Variants in ADGRB3 observed in about 807,000 individuals in gnomAD.
ADGRB3 encodes adhesion G protein-coupled receptor B3.
ADGRB3 carries 37 observed loss-of-function variants against 193.4 expected under a neutral mutation model. The ratio of observed to expected loss-of-function variants is 0.19; its 90% confidence interval spans 0.15 to 0.25. The LOEUF (loss-of-function observed/expected upper bound fraction) is 0.25, where lower values mean the gene tolerates loss of function less well. Ranked by LOEUF, ADGRB3 falls within the 10% of genes least tolerant of loss-of-function variation. The probability of loss-of-function intolerance (pLI) is 1.00; values close to 1 mark genes in which losing one functional copy is unlikely to be tolerated. For missense variants in ADGRB3, 1,637 were observed against 1,852.9 expected (o/e 0.88, Z 2.14); for synonymous variants, 690 against 644.2 (o/e 1.07, Z -1.08).
intron 3 of ADGRB3, among the ~76,000 whole-genome samples, chr6:68,905,327 T>C (rs1766512439): frequency 6.6e-6 from 1 of 152,170 alleles, no homozygotes; most frequent in African/African-American, 2.4e-5. Flanking sequence ...CCAGCTGACA[T>C]GAACTTCACA....
chr6:69,329,277 T>G (rs1469060021), intron 22 of ADGRB3, among the ~76,000 whole-genome samples: 1 of 152,160 alleles, frequency 6.6e-6, no homozygotes, highest in East Asian at 1.9e-4. Context: ...TCCAGGTATT[T>G]TATTTAAAAA....
intron 3 of ADGRB3, among the ~76,000 whole-genome samples, chr6:68,811,892 C>T (rs1767519439): frequency 6.6e-6 from 1 of 152,080 alleles, no homozygotes; most frequent in Non-Finnish European, 1.5e-5. Flanking sequence ...TATATACACA[C>T]AATTAATACA....
intron 3 of ADGRB3, among the ~76,000 whole-genome samples, chr6:68,786,818 C>G (rs1292034183): frequency 1.3e-5 from 2 of 151,738 alleles, no homozygotes; most frequent in African/African-American, 4.8e-5. Context: ...TTTGTATCCT[C>G]TTTTATTTCA....
chr6:69,216,503 A>T (rs1446033747), intron 17 of ADGRB3, among the ~76,000 whole-genome samples: 1 of 152,162 alleles, frequency 6.6e-6, no homozygotes, highest in African/African-American at 2.4e-5. Context: ...AGGCTGAACT[A>T]AACACTGAGC....
At chr6:69,199,483 T>G (rs1765374470) in intron 17 of ADGRB3, among the ~76,000 whole-genome samples, 1 of 152,120 alleles carries the variant, frequency 6.6e-6, no homozygotes, top group Admixed American at 6.6e-5. Context: ...ATGATCATTG[T>G]TCAAGAAACA....
rs1389458874 is a variant in ADGRB3, at chr6:69,342,464, A to C, written c.3459+2960A>C. Among the ~76,000 whole-genome samples the C allele has an allele frequency of 2.0e-5, 3 of 152,106 alleles. No individual in the cohort carries two copies. The East Asian group carries it at 5.8e-4, about 29-fold the overall frequency. On this transcript the variant is annotated intron_variant, in intron 26 of 31. Coordinates refer to ENST00000370598, the MANE Select transcript of ADGRB3 (RefSeq NM_001704.3). Reference sequence around the variant, plus strand: ...TCCTAGAGGAAGATTTCATTTAAACACCTTATTTAGAAGGATTTTACAGAT... The same window carrying C: ...TCCTAGAGGAAGATTTCATTTAAACCCCTTATTTAGAAGGATTTTACAGAT...
At chr6:69,192,401 T>C (rs911810115) in intron 17 of ADGRB3, among the ~76,000 whole-genome samples, 2 of 152,108 alleles carry the variant, frequency 1.3e-5, no homozygotes, top group Non-Finnish European at 2.9e-5. Flanking sequence ...TGGCAGCTGA[T>C]TAGATGTTGT....
intron 3 of ADGRB3, among the ~76,000 whole-genome samples, chr6:68,832,477 G>A (rs1409707538): frequency 1.3e-5 from 2 of 152,032 alleles, no homozygotes; most frequent in African/African-American, 2.4e-5. Flanking sequence ...TTTGCCTCTA[G>A]ACCCAAAGTC....
chr6:68,677,504 C>CT (rs1366619835), intron 3 of ADGRB3, among the ~76,000 whole-genome samples: 6 of 139,682 alleles, frequency 4.3e-5, no homozygotes, highest in South Asian at 2.3e-4. Context: ...GAATTTTTTT[C>CT]TTTTTTTTCT....
chr6:69,187,071 C>T (rs529131774), intron 17 of ADGRB3, among the ~76,000 whole-genome samples: 1 of 151,752 alleles, frequency 6.6e-6, no homozygotes, highest in South Asian at 2.1e-4. Context: ...CTGATTTCCC[C>T]TCTTTTTTTC....
At chr6:68,699,521 T>C (rs1027065061) in intron 3 of ADGRB3, among the ~76,000 whole-genome samples, 2 of 151,986 alleles carry the variant, frequency 1.3e-5, no homozygotes, top group Non-Finnish European at 2.9e-5. Context: ...TCTGTAATAG[T>C]TGTTGGTACT....
intron 17 of ADGRB3, among the ~76,000 whole-genome samples, chr6:69,125,647 T>G (rs932971402): frequency 6.6e-6 from 1 of 152,158 alleles, no homozygotes; most frequent in Admixed American, 6.5e-5. Context: ...TTATGTTGTT[T>G]ATAAGCCACT....
At chr6:69,066,822 A>G (rs571618181) in intron 16 of ADGRB3, among the ~76,000 whole-genome samples, 3 of 152,214 alleles carry the variant, frequency 2.0e-5, no homozygotes, top group African/African-American at 7.2e-5. Context: ...TTTAGATCCT[A>G]TAATGCATAA....
At chr6:68,789,740 CAG>C (rs1468665995) in intron 3 of ADGRB3, among the ~76,000 whole-genome samples, 3 of 152,194 alleles carry the variant, frequency 2.0e-5, no homozygotes, top group Non-Finnish European at 4.4e-5. Flanking sequence ...TAATATCCTG[CAG>C]AGTGTTTTCC....
At chr6:69,075,509 CA>C (rs1772202378) in intron 16 of ADGRB3, among the ~76,000 whole-genome samples, 1 of 152,094 alleles carries the variant, frequency 6.6e-6, no homozygotes, top group African/African-American at 2.4e-5. Flanking sequence ...TGCAAGTTGA[CA>C]AACTCCAGAA....
At chr6:69,251,561 A>C (rs1248126271) in intron 20 of ADGRB3, among the ~76,000 whole-genome samples, 1 of 152,196 alleles carries the variant, frequency 6.6e-6, no homozygotes, top group Non-Finnish European at 1.5e-5. Flanking sequence ...TAAATCTAGA[A>C]GTAGGGAGGA....
At chr6:69,161,795 C>A (rs753961972) in intron 17 of ADGRB3, among the ~76,000 whole-genome samples, 2 of 151,996 alleles carry the variant, frequency 1.3e-5, no homozygotes, top group Non-Finnish European at 2.9e-5. Context: ...CTGAGAGCCT[C>A]AGTTATTTAC....
intron 15 of ADGRB3, among the ~76,000 whole-genome samples, chr6:69,058,376 T>A (rs1771611088): frequency 6.6e-6 from 1 of 151,922 alleles, no homozygotes; most frequent in Admixed American, 6.6e-5. Flanking sequence ...ATTTTGTATA[T>A]TTTTTCTCCA....
chr6:68,943,036 G>T (rs533597616), intron 5 of ADGRB3, among the ~76,000 whole-genome samples: 150 of 152,246 alleles, frequency 9.9e-4, no homozygotes, highest in Non-Finnish European at 1.8e-3. Context: ...TATGTTTGAA[G>T]AATTGATATA....
Sources: gnomAD v4.1 joint callset for allele counts (sites outside exome capture counted in the v4.1 genomes callset) on GRCh38, gnomAD v4.1.1 for gene constraint, MANE v1.5 for transcripts, NCBI Gene and HGNC (gene_info 2026-07-23, HGNC 2026-07-21) for gene names.